HADHB: variants seen among roughly 807,000 people sequenced by gnomAD.
The protein encoded by HADHB is trifunctional enzyme subunit beta, mitochondrial.
Under a neutral mutation model 61.9 loss-of-function variants are expected in HADHB, and 50 were observed. That is an observed-to-expected ratio of 0.81 (90% confidence interval 0.64 to 1.02). The LOEUF is 1.02. Ranked by LOEUF, HADHB falls within the 50% of genes least tolerant of loss-of-function variation. HADHB has a pLI of 0.00. For synonymous variants in HADHB, 191 were observed against 201.6 expected, an observed-to-expected ratio of 0.95 and a Z score of 0.45; for missense variants, 504 against 586.5, an observed-to-expected ratio of 0.86 and a Z score of 1.45.
intron 7 of HADHB, 54 bp downstream of exon 7, chr2:26,277,214 A>G (rs1574661395): frequency 1.2e-6 from 1 of 800,436 alleles, no homozygotes; most frequent in Non-Finnish European, 2.1e-6. Flanking sequence ...TTTGTCTTTT[A>G]CTTGATTATA....
In HADHB at chr2:26,282,999, C is replaced by T; in HGVS notation, c.1014-5C>T. The T allele has an allele frequency of 1.2e-6, 2 of 1,608,470 alleles. No individual in the cohort carries two copies. The highest frequency in any genetic ancestry group is 1.7e-6 in the Non-Finnish European group (2 of 1,174,890). ...CAAAGCTCACCTCTCTATTTTTTTA[C>T]CTAGGGATTTTATGTATGTGTCTCA... On this transcript the variant is annotated splice_region_variant and splice_polypyrimidine_tract_variant and intron_variant, in intron 11 of 15. Transcript: ENST00000317799.
intron 4 of HADHB, among the ~76,000 whole-genome samples, chr2:26,267,790 G>T (rs988768559): frequency 7.2e-6 from 1 of 139,794 alleles, no homozygotes; most frequent in Non-Finnish European, 1.5e-5. Context: ...AAAAAAAAAA[G>T]AGTAAATAAA....
chr2:26,258,904 G>T (rs765401008), intron 3 of HADHB, among the ~76,000 whole-genome samples: 3 of 152,018 alleles, frequency 2.0e-5, no homozygotes, highest in Non-Finnish European at 2.9e-5. Context: ...AGTGTGAGCT[G>T]AGTTACAAGC....
At chr2:26,261,140 A>G (rs1671843948) in intron 3 of HADHB, 1 of 767,940 alleles carries the variant, frequency 1.3e-6, no homozygotes, top group Admixed American at 2.1e-5. Flanking sequence ...CCCCTTTGGC[A>G]GGGACTGTAA....
chr2:26,285,433 T>G lies in HADHB; in HGVS notation c.1251T>G (p.Phe417Leu), dbSNP rs762490580. Residue 417 changes from phenylalanine (F) to leucine (L), a missense_variant, in exon 15 of 16, where the codon TTT (phenylalanine) becomes TTG (leucine). By Grantham distance (22) the Phe-to-Leu change is conservative. Coordinates refer to ENST00000317799, the MANE Select transcript of HADHB (RefSeq NM_000183.3). ...TTGGATTGCCTCCTTTGGAGAAGTT[T>G]AATAACTGGGGTGGATCTCTGTCCC... ...TKVGLPPLEK[F>L]NNWGGSLSLG... 6.2e-7 allele frequency: 1 copy of G among 1,613,882 alleles called. No homozygotes were observed. The highest frequency in any genetic ancestry group is 1.1e-5 in the South Asian group (1 of 91,068).
chr2:26,285,738 G>GTTTTTTTTTTTTTTTTTTTT (rs1260684446), intron 15 of HADHB, among the ~76,000 whole-genome samples, 167 bp downstream of exon 15: 1 of 25,480 alleles, frequency 3.9e-5, no homozygotes, highest in African/African-American at 1.4e-4. Context: ...TTGTTTTTTG[G>GTTTTTTTTTTTTTTTTTTTT]GTTTTTTTTT....
intron 4 of HADHB, among the ~76,000 whole-genome samples, chr2:26,267,599 C>A (rs1233308658): frequency 6.7e-6 from 1 of 150,044 alleles, no homozygotes; most frequent in African/African-American, 2.5e-5. Context: ...TGGTGAAACC[C>A]CTTCTCTACT....
intron 3 of HADHB, among the ~76,000 whole-genome samples, chr2:26,258,841 G>C (rs2147805455): frequency 1.3e-5 from 2 of 152,264 alleles, no homozygotes; most frequent in Middle Eastern, 6.8e-3. Flanking sequence ...TTTACCTCCT[G>C]CTTTTAACCT....
intron 4 of HADHB, among the ~76,000 whole-genome samples, chr2:26,268,316 C>G (rs1202662678): frequency 6.6e-6 from 1 of 152,144 alleles, no homozygotes; most frequent in Non-Finnish European, 1.5e-5. Context: ...ATGATGATTT[C>G]GACATACGTC....
At chr2:26,260,245 C>G (rs1484614614) in intron 3 of HADHB, among the ~76,000 whole-genome samples, 1 of 151,976 alleles carries the variant, frequency 6.6e-6, no homozygotes, top group Non-Finnish European at 1.5e-5. Flanking sequence ...CCGTGCCCAG[C>G]TAATTTTTGT....
chr2:26,248,042 ACTTT>A (rs1045015512), intron 1 of HADHB, among the ~76,000 whole-genome samples: 2 of 152,118 alleles, frequency 1.3e-5, no homozygotes, highest in African/African-American at 4.8e-5. Flanking sequence ...AGCTTCAGGG[ACTTT>A]CTTTTCTCTT....
intron 1 of HADHB, among the ~76,000 whole-genome samples, chr2:26,247,794 G>A (rs1671225689): frequency 6.6e-6 from 1 of 152,242 alleles, no homozygotes; most frequent in African/African-American, 2.4e-5. Flanking sequence ...GATGTGTGTA[G>A]GTTCTTTGCA....
intron 15 of HADHB, among the ~76,000 whole-genome samples, chr2:26,288,790 A>G (rs1673146789): frequency 2.0e-5 from 3 of 152,200 alleles, no homozygotes; most frequent in East Asian, 1.9e-4. Flanking sequence ...ACCATGTGGC[A>G]AATCTTTAAA....
chr2:26,266,127 A>G (rs567546520), intron 4 of HADHB, among the ~76,000 whole-genome samples: 54 of 151,360 alleles, frequency 3.6e-4, no homozygotes, highest in Non-Finnish European at 4.1e-4. Flanking sequence ...TTAGCCAGGC[A>G]TGGTGGTGCA....
chr2:26,276,480 T>C (rs1421030498), intron 6 of HADHB, among the ~76,000 whole-genome samples: 2 of 152,386 alleles, frequency 1.3e-5, no homozygotes, highest in East Asian at 3.9e-4. Flanking sequence ...ATCTGAAGTA[T>C]CAGACGGTCA....
rs114569364 is a variant in HADHB at position 26,262,167 on chromosome 2, C to T, written c.110-1213C>T. Among the ~76,000 whole-genome samples, 416 of 152,254 alleles carry T rather than the reference C, an allele frequency of 2.7e-3. 1 individual carries two copies. The highest frequency in any genetic ancestry group is 9.7e-3 in the African/African-American group (402 of 41,558). ...GTAGATGTTTACTATAAATACTTCTCTGTGACATTAACAGGTGTGGTAAGG... is the reference window on the plus strand; with the variant it reads ...GTAGATGTTTACTATAAATACTTCTTTGTGACATTAACAGGTGTGGTAAGG... On this transcript the variant is annotated intron_variant, in intron 3 of 15. Coordinates refer to ENST00000317799, the MANE Select transcript of HADHB (RefSeq NM_000183.3).
Position 26,279,949 on chromosome 2 carries a change from AGGCTTGT to A in HADHB, c.812-42_812-36del, listed in dbSNP as rs1254787819. 4.2e-6 allele frequency: 6 copies of A among 1,442,230 alleles called. No homozygotes were observed. The Admixed American group carries it at 5.0e-5, about 12-fold the overall frequency. The allele number at this position is 1,442,230 out of a possible 1,614,324, so 89.3% of individuals were successfully genotyped here. A position where few individuals can be genotyped will look rare whatever the true frequency, so the allele number is the denominator to read the frequency against. On this transcript the variant is annotated intron_variant, in intron 9 of 15. Transcript: ENST00000317799. Reference sequence around the variant, plus strand: ...CATATTTCTGTGGAGAAGATATATAAGGCTTGTGGTTCCATAGAGTTAAAAAAATTCA... The same window carrying A: ...CATATTTCTGTGGAGAAGATATATAAGGTTCCATAGAGTTAAAAAAATTCA...
chr2:26,252,096 T>A (rs1214205104), intron 1 of HADHB, among the ~76,000 whole-genome samples: 1 of 152,210 alleles, frequency 6.6e-6, no homozygotes, highest in Non-Finnish European at 1.5e-5. Context: ...CACAGGAGCC[T>A]CTTCATAAGG....
chr2:26,275,016 A>T (rs1672487043), intron 6 of HADHB, among the ~76,000 whole-genome samples: 3 of 152,114 alleles, frequency 2.0e-5, no homozygotes, highest in Admixed American at 2.0e-4. Flanking sequence ...TCAGCTATTG[A>T]TTGACAGGAG....
Sources: gnomAD v4.1 joint callset for allele counts (sites outside exome capture counted in the v4.1 genomes callset) on GRCh38, gnomAD v4.1.1 for gene constraint, MANE v1.5 for transcripts, NCBI Gene and HGNC (gene_info 2026-07-23, HGNC 2026-07-21) for gene names.